Variants in FMN1 observed in about 807,000 individuals in gnomAD.
FMN1 encodes formin-1.
A neutral mutation model predicts 132.4 loss-of-function variants in FMN1; 110 were observed. The ratio of observed to expected loss-of-function variants is 0.83; its 90% CI spans 0.71 to 0.97. FMN1 has a LOEUF of 0.97. FMN1 is among the 50% of genes least tolerant of loss of function. FMN1 has a pLI of 0.00. For missense variants in FMN1, 1,792 were observed against 1,705.3 expected (o/e 1.05, Z -0.90); for synonymous variants, 722 against 651.7 (o/e 1.11, Z -1.64).
At chr15:33,125,921 C>T (rs1460496528) in intron 4 of FMN1, among the ~76,000 whole-genome samples, 1 of 152,164 alleles carries the variant, frequency 6.6e-6, no homozygotes, top group Non-Finnish European at 1.5e-5. Context: ...AAATTTCTTT[C>T]TAAAAACCAT....
chr15:32,785,746 A>G (rs1285529544), intron 19 of FMN1, among the ~76,000 whole-genome samples: 1 of 152,166 alleles, frequency 6.6e-6, no homozygotes, highest in Non-Finnish European at 1.5e-5. Flanking sequence ...AAGCCCTACC[A>G]GCTACCTAGT....
chr15:33,090,185 G>A (rs907353821), intron 4 of FMN1, among the ~76,000 whole-genome samples: 1 of 152,154 alleles, frequency 6.6e-6, no homozygotes, highest in Non-Finnish European at 1.5e-5. Context: ...TTTTGCAATA[G>A]AGATCACTGT....
At chr15:32,936,423 T>C (rs2061272028) in intron 9 of FMN1, among the ~76,000 whole-genome samples, 1 of 152,244 alleles carries the variant, frequency 6.6e-6, no homozygotes, top group Non-Finnish European at 1.5e-5. Flanking sequence ...GGATAAATAT[T>C]CTCTGGACTT....
intron 4 of FMN1, among the ~76,000 whole-genome samples, chr15:33,141,632 C>T (rs1028819743): frequency 2.0e-5 from 3 of 152,150 alleles, no homozygotes; most frequent in African/African-American, 4.8e-5. Flanking sequence ...TGGGATGGCC[C>T]TTCAGAACTG....
At position 33,088,954 on chromosome 15, in the gene FMN1, G is replaced by A. The variant is rs531062164; in HGVS notation, c.1888C>T (p.Pro630Ser). The A allele has an allele frequency of 3.9e-6, 6 of 1,535,766 alleles. No individual in the cohort carries two copies. Among genetic ancestry groups the A allele is most frequent in the African/African-American group, 1.4e-5 (1 of 73,106 alleles). Residue 630 changes from proline (P) to serine (S), a missense_variant, in exon 5 of 21, where the codon CCC becomes TCC. This residue lies in a region of FMN1 where 1,150 missense variants were observed against 1,043.1 expected (regional missense o/e 1.10). Coordinates refer to ENST00000616417, the MANE Select transcript of FMN1 (RefSeq NM_001277313.2). ...SPPGISSEGF[P>S]WDGFNEQTPK... Reference sequence around the variant, plus strand: ...GTCTGCTCATTGAAGCCGTCCCAGGGAAAGCCCTCAGAGGAGATACCTAAA... The same window carrying A: ...GTCTGCTCATTGAAGCCGTCCCAGGAAAAGCCCTCAGAGGAGATACCTAAA...
intron 7 of FMN1, among the ~76,000 whole-genome samples, chr15:32,975,532 C>G (rs2032133043): frequency 6.6e-6 from 1 of 152,196 alleles, no homozygotes; most frequent in Non-Finnish European, 1.5e-5. Context: ...ACATTACTTA[C>G]AGACTAATAC....
At position 33,154,572 on chromosome 15, in the gene FMN1, G is replaced by T; in HGVS notation, c.343C>A (p.Gln115Lys). The T allele has an allele frequency of 6.5e-7, 1 of 1,536,120 alleles. No homozygotes were observed. Among genetic ancestry groups the T allele is most frequent in the Non-Finnish European group, 8.7e-7 (1 of 1,146,912 alleles). Residue 115 changes from glutamine (Q) to lysine (K), a missense_variant, in exon 4 of 21, where the codon CAG becomes AAG. Gln to Lys is a moderately conservative substitution (Grantham distance 53). This residue lies in a region of FMN1 where 638 missense variants were observed against 645.2 expected (regional missense o/e 0.99). Coordinates refer to ENST00000616417, the MANE Select transcript of FMN1 (RefSeq NM_001277313.2). Reference sequence around the variant, plus strand: ...GACAGCTCTTGCAGCTTCCCCTCCTGGTTCCCCATCGTGATCCCCAGGATG... The same window carrying T: ...GACAGCTCTTGCAGCTTCCCCTCCTTGTTCCCCATCGTGATCCCCAGGATG... ...DHILGITMGNQEGKLQELSVS... is the reference protein window; with the variant it reads ...DHILGITMGNKEGKLQELSVS...
At chr15:33,126,057 A>C (rs1377088996) in intron 4 of FMN1, among the ~76,000 whole-genome samples, 2 of 152,190 alleles carry the variant, frequency 1.3e-5, no homozygotes, top group African/African-American at 4.8e-5. Flanking sequence ...AAAACAGATA[A>C]GGTGGATGAA....
intron 4 of FMN1, among the ~76,000 whole-genome samples, chr15:33,119,049 T>C (rs1962301638): frequency 6.6e-6 from 1 of 152,210 alleles, no homozygotes. Context: ...GGAGGACATC[T>C]GAATCAACTT....
At chr15:32,816,182 T>C (rs747568936) in intron 17 of FMN1, among the ~76,000 whole-genome samples, 14 of 152,208 alleles carry the variant, frequency 9.2e-5, no homozygotes, top group Non-Finnish European at 1.8e-4. Flanking sequence ...TGTTTCTCCT[T>C]AGTAATACGT....
intron 16 of FMN1, chr15:32,860,610 C>T (rs2059247132): frequency 6.6e-6 from 1 of 152,254 alleles, no homozygotes; most frequent in Non-Finnish European, 1.5e-5. Context: ...GCCATGACCA[C>T]ACCTCTGCAC....
At chr15:32,907,740 A>G (rs2060461712) in intron 12 of FMN1, among the ~76,000 whole-genome samples, 2 of 152,156 alleles carry the variant, frequency 1.3e-5, no homozygotes, top group African/African-American at 4.8e-5. Context: ...AGGTAGCAAC[A>G]GGCAAAAGAG....
At position 32,774,181 on chromosome 15, in the gene FMN1, A is replaced by T; in HGVS notation, c.*129T>A. The T allele has an allele frequency of 1.3e-6, 1 of 753,246 alleles. No homozygotes were observed. Among genetic ancestry groups the T allele is most frequent in the South Asian group, 1.7e-5 (1 of 60,408 alleles). 46.7% of individuals were successfully genotyped at this position (753,246 alleles called of 1,614,324 possible). On this transcript the variant is annotated 3_prime_UTR_variant, in exon 21 of 21. Coordinates refer to ENST00000616417, the MANE Select transcript of FMN1 (RefSeq NM_001277313.2). ...TGGGGCACTCTCTGCAGATGACCTC[A>T]GAAAGAGATGAGCAAAAACAAACAT...
chr15:32,808,372 T>A (rs2057754802), intron 17 of FMN1, among the ~76,000 whole-genome samples: 1 of 152,236 alleles, frequency 6.6e-6, no homozygotes, highest in Admixed American at 6.5e-5. Flanking sequence ...GAGATGATGA[T>A]ACCTACCCTC....
At chr15:33,056,547 C>T (rs11857821) in intron 6 of FMN1, among the ~76,000 whole-genome samples, 43,732 of 152,048 alleles carry the variant, frequency 0.29, 6,427 homozygotes, top group Non-Finnish European at 0.31. Flanking sequence ...CAGTGACTGC[C>T]ACAAGAGTAG....
intron 19 of FMN1, among the ~76,000 whole-genome samples, chr15:32,777,734 T>C (rs145242328): frequency 0.013 from 1,344 of 103,102 alleles, 234 homozygotes; most frequent in African/African-American, 0.048. Flanking sequence ...TAATATATAA[T>C]ACATTTACTT....
rs1337074442 is a variant in FMN1 at position 33,088,926 on chromosome 15, G to A, written c.1916C>T (p.Pro639Leu). The change falls in exon 5 of 21, where the codon CCT (proline) becomes CTT (leucine). Residue 639 changes from proline (P) to leucine (L), a missense_variant. Coordinates refer to ENST00000616417, the MANE Select transcript of FMN1 (RefSeq NM_001277313.2). ...TCCATCTCTGTTGGGAAGGTCTTTAGGTGTCTGCTCATTGAAGCCGTCCCA... is the reference window on the plus strand; with the variant it reads ...TCCATCTCTGTTGGGAAGGTCTTTAAGTGTCTGCTCATTGAAGCCGTCCCA... ...FPWDGFNEQT[P>L]KDLPNRDGGA... is the part of the protein sequence containing the mutation. 4 of 1,535,926 alleles carry A rather than the reference G, an allele frequency of 2.6e-6. No homozygotes were observed. The Admixed American group carries it at 7.8e-5, about 30-fold the overall frequency.
intron 15 of FMN1, among the ~76,000 whole-genome samples, chr15:32,888,798 T>C (rs1246237607): frequency 6.6e-6 from 1 of 152,016 alleles, no homozygotes; most frequent in Non-Finnish European, 1.5e-5. Context: ...CTTAAAGCTC[T>C]TCTGTGTGCA....
intron 6 of FMN1, among the ~76,000 whole-genome samples, chr15:33,010,884 T>C (rs1432729076): frequency 6.6e-6 from 1 of 151,880 alleles, no homozygotes; most frequent in East Asian, 1.9e-4. Context: ...AGTAACATTT[T>C]ATTGACATAT....
Sources: allele counts gnomAD v4.1 joint callset (sites outside exome capture counted in the v4.1 genomes callset), GRCh38; gene constraint gnomAD v4.1.1; regional missense constraint gnomAD v4.1.1; transcripts MANE v1.5; gene names NCBI Gene and HGNC (gene_info 2026-07-23, HGNC 2026-07-21).